FGF14: variants seen among roughly 807,000 people sequenced by gnomAD.
FGF14 encodes the protein fibroblast growth factor 14.
Under a neutral mutation model 25.5 loss-of-function variants are expected in FGF14, and 5 were observed. That is an observed-to-expected ratio of 0.20 (90% CI 0.10 to 0.41). FGF14 has a LOEUF of 0.41. Ranked by LOEUF, FGF14 falls within the 10% of genes least tolerant of loss-of-function variation. The probability of loss-of-function intolerance (pLI) is 1.00; values close to 1 mark genes in which losing one functional copy is unlikely to be tolerated. For synonymous variants in FGF14, 138 were observed against 118.3 expected (o/e 1.17, Z -1.08); for missense variants, 222 against 320.1 (o/e 0.69, Z 2.34).
intron 1 of FGF14, among the ~76,000 whole-genome samples, chr13:102,365,998 A>G (rs1251577938): frequency 1.3e-5 from 2 of 152,194 alleles, no homozygotes; most frequent in East Asian, 3.9e-4. Flanking sequence ...AAGCTAAGAT[A>G]GAAAGTTTAG....
At position 101,932,533 on chromosome 13, in the gene FGF14, C is replaced by CAAAAA. The variant is rs60522790; in HGVS notation, c.209-57242_209-57238dup. 4.7e-4 allele frequency among the ~76,000 whole-genome samples: 37 copies of CAAAAA among 79,062 alleles called. 3 individuals carry two copies. The highest frequency in any genetic ancestry group is 1.8e-3 in the East Asian group (5 of 2,804). 51.9% of individuals were successfully genotyped at this position (79,062 alleles called of 152,430 possible). A position where few individuals can be genotyped will look rare whatever the true frequency, so the allele number is the denominator to read the frequency against. On this transcript the variant is annotated intron_variant, in intron 1 of 4. Coordinates refer to the FGF14 transcript ENST00000376131. ...GGGTGACATAAGTGAGACTCCATGT[C>CAAAAA]AAAAAAAAAAAAAAAGGAAAAAAGA... is the stretch of plus-strand genomic sequence containing the variant.
At chr13:102,236,014 A>T (rs939261156) in intron 1 of FGF14, among the ~76,000 whole-genome samples, 14 of 152,236 alleles carry the variant, frequency 9.2e-5, no homozygotes, top group Non-Finnish European at 1.8e-4. Context: ...TTCTTGTGGA[A>T]GATAATAGTT....
rs568664652 is a variant in FGF14 at position 102,239,478 on chromosome 13, G to T, written c.208+161993C>A. On this transcript the variant is annotated intron_variant, in intron 1 of 4. Transcript: ENST00000376131. ...AGAGATGCTGATGCTTCTGGTGTGA[G>T]GACCACACTGAGTAGCAAGGCTTAC... Among the ~76,000 whole-genome samples, 3 of 152,250 alleles carry T rather than the reference G, an allele frequency of 2.0e-5. No homozygotes were observed. In the South Asian group the frequency reaches 6.2e-4, roughly 32 times the overall value.
At chr13:102,006,946 T>G (rs1334723783) in intron 1 of FGF14, among the ~76,000 whole-genome samples, 1 of 150,760 alleles carries the variant, frequency 6.6e-6, no homozygotes, top group Admixed American at 6.6e-5. Context: ...GGGTTTCACC[T>G]TGTTAGCCAG....
intron 1 of FGF14, among the ~76,000 whole-genome samples, chr13:102,387,151 T>C (rs2058324215): frequency 6.6e-6 from 1 of 152,254 alleles, no homozygotes; most frequent in Non-Finnish European, 1.5e-5. Context: ...TACATTTTTA[T>C]AAAATTTGAA....
chr13:102,080,931 C>A (rs746603472), intron 1 of FGF14, among the ~76,000 whole-genome samples: 14 of 152,304 alleles, frequency 9.2e-5, no homozygotes, highest in Non-Finnish European at 7.4e-5. Flanking sequence ...ACTAGGCAAC[C>A]AAGACCACAG....
At chr13:102,266,277 T>G (rs1343895914) in intron 1 of FGF14, among the ~76,000 whole-genome samples, 1 of 152,130 alleles carries the variant, frequency 6.6e-6, no homozygotes, top group African/African-American at 2.4e-5. Flanking sequence ...CCATTAAAAC[T>G]CCTGACACCA....
chr13:101,880,319 G>A (rs537703661), intron 1 of FGF14, among the ~76,000 whole-genome samples: 1 of 152,222 alleles, frequency 6.6e-6, no homozygotes, highest in Admixed American at 6.5e-5. Flanking sequence ...TGTAATCCCA[G>A]CACTTTGGGA....
intron 1 of FGF14, among the ~76,000 whole-genome samples, chr13:102,069,079 T>C (rs972948221): frequency 6.6e-6 from 1 of 152,018 alleles, no homozygotes; most frequent in Non-Finnish European, 1.5e-5. Context: ...TCCGAGAACC[T>C]TTATGTCTAG....
chr13:102,319,386 A>C (rs1594840100), intron 1 of FGF14, among the ~76,000 whole-genome samples: 2 of 152,308 alleles, frequency 1.3e-5, no homozygotes, highest in East Asian at 1.9e-4. Flanking sequence ...CGCCATCAAC[A>C]ACCTCTGAAA....
Position 102,189,100 on chromosome 13 carries a change from G to GGA in FGF14, c.208+212369_208+212370dup, listed in dbSNP as rs745325798. ...AGAAAAAGAGAAAGAGAGAAAGGAG[G>GGA]GAGAGAGAGATAGAGAGAGAGAGAG... On this transcript the variant is annotated intron_variant, in intron 1 of 4. Coordinates refer to the FGF14 transcript ENST00000376131. Among the ~76,000 whole-genome samples, 288 of 147,900 alleles carry GGA rather than the reference G, an allele frequency of 1.9e-3. 1 individual carries two copies. The highest frequency in any genetic ancestry group is 4.7e-3 in the African/African-American group (187 of 39,816).
intron 1 of FGF14, among the ~76,000 whole-genome samples, chr13:102,214,191 T>A (rs2050272928): frequency 6.6e-6 from 1 of 152,260 alleles, no homozygotes; most frequent in Non-Finnish European, 1.5e-5. Flanking sequence ...TATTGGTCCA[T>A]CGCTGTTGCT....
chr13:101,799,665 G>A (rs529009406), intron 3 of FGF14, among the ~76,000 whole-genome samples: 8 of 152,050 alleles, frequency 5.3e-5, no homozygotes, highest in East Asian at 3.9e-4. Flanking sequence ...ATTGAAGATC[G>A]TTGATTCTGC....
At chr13:101,908,948 C>T (rs1487147015) in intron 1 of FGF14, among the ~76,000 whole-genome samples, 1 of 152,168 alleles carries the variant, frequency 6.6e-6, no homozygotes, top group Non-Finnish European at 1.5e-5. Context: ...ATATCCACAA[C>T]TATCTGATCT....
intron 1 of FGF14, among the ~76,000 whole-genome samples, chr13:102,389,573 TC>T (rs1292544437): frequency 6.6e-6 from 1 of 152,182 alleles, no homozygotes; most frequent in Non-Finnish European, 1.5e-5. Context: ...CACCTTGTCA[TC>T]TAGAGATGGT....
chr13:102,201,492 C>T (rs2049647796), intron 1 of FGF14, among the ~76,000 whole-genome samples: 1 of 152,164 alleles, frequency 6.6e-6, no homozygotes, highest in Non-Finnish European at 1.5e-5. Context: ...AAAAAATTCT[C>T]TGAGGTGTGA....
At chr13:102,078,437 C>G (rs972094711) in intron 1 of FGF14, among the ~76,000 whole-genome samples, 3 of 148,734 alleles carry the variant, frequency 2.0e-5, no homozygotes, top group Non-Finnish European at 2.9e-5. Context: ...ACAATACACA[C>G]AAAAAATAAA....
intron 1 of FGF14, among the ~76,000 whole-genome samples, chr13:102,161,569 GA>G (rs745407368): frequency 0.11 from 1,998 of 18,188 alleles, 305 homozygotes; most frequent in Non-Finnish European, 0.13. Flanking sequence ...TTTCTGTGAA[GA>G]AAGAAAGAAG....
At chr13:101,829,780 T>C (rs2042579504) in intron 3 of FGF14, among the ~76,000 whole-genome samples, 1 of 152,082 alleles carries the variant, frequency 6.6e-6, no homozygotes, top group South Asian at 2.1e-4. Flanking sequence ...AAAACTCTAT[T>C]AGCATTCCAG....
Sources: gnomAD v4.1 joint callset for allele counts (sites outside exome capture counted in the v4.1 genomes callset) on GRCh38, gnomAD v4.1.1 for gene constraint, MANE v1.5 for transcripts, NCBI Gene and HGNC (gene_info 2026-07-23, HGNC 2026-07-21) for gene names.